SLC36A3: variants seen among roughly 807,000 people sequenced by gnomAD.
SLC36A3 encodes the protein solute carrier family 36 member 3.
In SLC36A3, 35 loss-of-function variants were observed where a neutral mutation model predicts 44.3. That is an observed-to-expected ratio of 0.79 (90% CI 0.60 to 1.05). The LOEUF (loss-of-function observed/expected upper bound fraction) is 1.05, where lower values mean the gene tolerates loss of function less well. SLC36A3 is among the 50% of genes least tolerant of loss of function. The pLI is 0.00. For synonymous variants in SLC36A3, 211 were observed against 227.6 expected, an observed-to-expected ratio of 0.93 and a Z score of 0.66; for missense variants, 540 against 578.7, an observed-to-expected ratio of 0.93 and a Z score of 0.69.
At chr5:151,289,561 A>G (rs984695311) in intron 4 of SLC36A3, among the ~76,000 whole-genome samples, 11 of 152,022 alleles carry the variant, frequency 7.2e-5, no homozygotes, top group Admixed American at 7.2e-4. Flanking sequence ...TATACTTTTT[A>G]AAGTTATTAT....
intron 3 of SLC36A3, among the ~76,000 whole-genome samples, chr5:151,294,270 C>T (rs999793607): frequency 4.6e-5 from 7 of 152,280 alleles, no homozygotes; most frequent in Admixed American, 2.0e-4. Context: ...TGGAACATGA[C>T]ATTTTTGTTA....
At chr5:151,291,674 A>C (rs1256409170) in intron 4 of SLC36A3, among the ~76,000 whole-genome samples, 1 of 152,150 alleles carries the variant, frequency 6.6e-6, no homozygotes, top group African/African-American at 2.4e-5. Flanking sequence ...TGTACTCCCT[A>C]CTGTGGGCTA....
chr5:151,298,703 G>A lies in SLC36A3; in HGVS notation c.129-20C>T. On this transcript the variant is annotated intron_variant, in intron 1 of 9. Coordinates refer to ENST00000335230, the MANE Select transcript of SLC36A3 (RefSeq NM_181774.4). Reference sequence around the variant, plus strand: ...ATCATCCTGTGGTGGGGAGAGTAGGGAGACAGAGGGTACTGTTAGTGGAAG... The same window carrying A: ...ATCATCCTGTGGTGGGGAGAGTAGGAAGACAGAGGGTACTGTTAGTGGAAG... 1 of 1,612,338 alleles carries A rather than the reference G, an allele frequency of 6.2e-7. No individual in the cohort carries two copies. Among genetic ancestry groups the A allele is most frequent in the Non-Finnish European group, 8.5e-7 (1 of 1,178,464 alleles).
At chr5:151,281,724 A>G (rs1040956272) in intron 8 of SLC36A3, among the ~76,000 whole-genome samples, 2 of 152,162 alleles carry the variant, frequency 1.3e-5, no homozygotes, top group Non-Finnish European at 2.9e-5. Flanking sequence ...AGGCTGAGAC[A>G]GGAGAATTGC....
chr5:151,298,762 C>A, intron 1 of SLC36A3, 79 bp from the exon 2 acceptor site: 2 of 1,459,322 alleles, frequency 1.4e-6, no homozygotes, highest in East Asian at 2.3e-5. Context: ...CTCCTTCTGG[C>A]ATCTCCAGAG....
intron 4 of SLC36A3, among the ~76,000 whole-genome samples, chr5:151,289,282 A>C (rs1425885387): frequency 2.0e-5 from 3 of 152,120 alleles, no homozygotes; most frequent in African/African-American, 4.8e-5. Context: ...AGTCTCTTAC[A>C]TAAAAATGAG....
chr5:151,288,377 G>T lies in SLC36A3; in HGVS notation c.489+9C>A. The T allele has an allele frequency of 6.3e-7, 1 of 1,591,428 alleles. No homozygotes were observed. Among genetic ancestry groups the T allele is most frequent in the Non-Finnish European group, 8.6e-7 (1 of 1,168,240 alleles). On this transcript the variant is annotated intron_variant, in intron 5 of 9. Transcript: ENST00000335230. ...TTTCCCCCACTCTGCCCAGAAGAGG[G>T]CTCTTTACCTGTTGTAAATTGTCTG...
At chr5:151,300,421 G>C (rs548845372) in intron 1 of SLC36A3, among the ~76,000 whole-genome samples, 2 of 152,164 alleles carry the variant, frequency 1.3e-5, no homozygotes, top group African/African-American at 2.4e-5. Context: ...CTAAGGATGG[G>C]GGGGTGGGCA....
intron 1 of SLC36A3, among the ~76,000 whole-genome samples, chr5:151,299,264 C>CTCTCTCTCTCTATA (rs1372309288): frequency 1.4e-3 from 83 of 59,636 alleles, no homozygotes; most frequent in Non-Finnish European, 2.2e-3. Context: ...CTCTCTCTCT[C>CTCTCTCTCTCTATA]TATATATATA....
intron 4 of SLC36A3, among the ~76,000 whole-genome samples, chr5:151,291,462 ATTTT>A (rs1561635582): frequency 6.6e-6 from 1 of 151,884 alleles, no homozygotes; most frequent in African/African-American, 2.4e-5. Context: ...GCAACTTTTA[ATTTT>A]TTGTTTGCTG....
At chr5:151,299,254 C>A (rs866277829) in intron 1 of SLC36A3, among the ~76,000 whole-genome samples, 2,132 of 85,920 alleles carry the variant, frequency 0.025, 26 homozygotes, top group East Asian at 0.046. Context: ...CTCTCTCTCT[C>A]TCTCTCTCTC....
chr5:151,298,112 AAGAC>A (rs1302810087), intron 2 of SLC36A3: 1 of 153,144 alleles, frequency 6.5e-6, no homozygotes, highest in Non-Finnish European at 1.5e-5. Context: ...GCACTTTAAA[AAGAC>A]AGAAATGAGG....
chr5:151,277,972 A>C (rs530977376), intron 9 of SLC36A3, among the ~76,000 whole-genome samples: 1 of 152,310 alleles, frequency 6.6e-6, no homozygotes, highest in South Asian at 2.1e-4. Flanking sequence ...AAGGAACAGG[A>C]CTTGTTCAAG....
chr5:151,282,120 T>TG (rs1754345634), intron 8 of SLC36A3, among the ~76,000 whole-genome samples: 1 of 140,166 alleles, frequency 7.1e-6, no homozygotes, highest in African/African-American at 2.8e-5. Flanking sequence ...TGTTTTTTTT[T>TG]TTTTTTTTTT....
rs767677447 is a variant in SLC36A3 at position 151,287,308 on chromosome 5, A to T, written c.646T>A (p.Ser216Thr). Residue 216 changes from serine (S) to threonine (T), a missense_variant, in exon 6 of 10, where the codon TCG (serine) becomes ACG (threonine). Physicochemically the swap from Ser to Thr is moderately conservative, Grantham distance 58. Transcript: ENST00000335230. Reference sequence around the variant, plus strand: ...AGGGTGGTGATGTTGGCCAATGTCGAGAAGACGGACAGCACCTTGAGGTTC... The same window carrying T: ...AGGGTGGTGATGTTGGCCAATGTCGTGAAGACGGACAGCACCTTGAGGTTC... Reference protein sequence around the residue: ...IQNLKVLSVFSTLANITTLGS... With the variant: ...IQNLKVLSVFTTLANITTLGS... 1 of 1,614,170 alleles carries T rather than the reference A, an allele frequency of 6.2e-7. No individual in the cohort carries two copies. The highest frequency in any genetic ancestry group is 2.2e-5 in the East Asian group (1 of 44,884).
intron 9 of SLC36A3, among the ~76,000 whole-genome samples, chr5:151,279,504 T>C (rs10063518): frequency 0.5 from 76,532 of 151,978 alleles, 21,000 homozygotes; most frequent in African/African-American, 0.72. Context: ...GAATAATGGA[T>C]GAAGAATGGG....
At chr5:151,295,048 A>G (rs1754914636) in intron 3 of SLC36A3, among the ~76,000 whole-genome samples, 1 of 149,534 alleles carries the variant, frequency 6.7e-6, no homozygotes, top group Non-Finnish European at 1.5e-5. Context: ...TAGAAAAAAT[A>G]AAAGACAAGT....
chr5:151,281,015 G>A lies in SLC36A3; in HGVS notation c.1143C>T (p.Thr381=). 6.2e-7 allele frequency: 1 copy of A among 1,614,096 alleles called. No homozygotes were observed. Among genetic ancestry groups the A allele is most frequent in the South Asian group, 1.1e-5 (1 of 91,082 alleles). Residue 381 remains threonine, a splice_region_variant and synonymous_variant, in exon 9 of 10, where the codon ACC becomes ACT. Transcript: ENST00000335230. ...AGAGTGCCCTTTTATGCTACTCACA[G>A]GTTAGACAGACCAAGGCTGAGCGGA... ...LSVRSALVCL[T]CVSAILIPRL...
intron 3 of SLC36A3, among the ~76,000 whole-genome samples, chr5:151,295,845 G>A (rs2127269576): frequency 6.6e-6 from 1 of 152,312 alleles, no homozygotes; most frequent in South Asian, 2.1e-4. Flanking sequence ...GAGGCTAAAA[G>A]GAAGAGAAGA....
Sources: allele counts gnomAD v4.1 joint callset (sites outside exome capture counted in the v4.1 genomes callset), GRCh38; gene constraint gnomAD v4.1.1; transcripts MANE v1.5; gene names NCBI Gene and HGNC (gene_info 2026-07-23, HGNC 2026-07-21).